The following ACSS2 variants were observed in gnomAD, a reference collection of about 807,000 sequenced individuals.
The protein encoded by ACSS2 is acyl-CoA synthetase short chain family member 2.
In ACSS2, 58 loss-of-function variants were observed where a neutral mutation model predicts 90.6. That is an observed-to-expected ratio of 0.64 (90% confidence interval 0.52 to 0.80). ACSS2 has a LOEUF of 0.80. Among genes scored for constraint, ACSS2 ranks in the 30% least tolerant of loss-of-function variants. ACSS2 has a pLI of 0.00. For synonymous variants in ACSS2, 300 were observed against 330.9 expected (o/e 0.91, Z 1.01); for missense variants, 759 against 912.0 (o/e 0.83, Z 2.16).
chr20:34,925,564 G>A, intron 14 of ACSS2, 134 bp from the exon 15 acceptor site: 1 of 883,584 alleles, frequency 1.1e-6, no homozygotes, highest in Non-Finnish European at 1.7e-6. Flanking sequence ...TTGGAGGCTG[G>A]CTACTACAGT....
intron 2 of ACSS2, among the ~76,000 whole-genome samples, chr20:34,899,164 C>G (rs540710978): frequency 1.3e-5 from 2 of 152,292 alleles, no homozygotes; most frequent in South Asian, 2.1e-4. Flanking sequence ...TGCGCAGCCC[C>G]GGTTCCCGCT....
intron 2 of ACSS2, 30 bp downstream of exon 2, chr20:34,883,019 A>G: frequency 1.3e-6 from 2 of 1,537,266 alleles, no homozygotes; most frequent in Non-Finnish European, 1.8e-6. Flanking sequence ...ACTTGGTGGC[A>G]GATAAAAACA....
At chr20:34,913,937 CT>C in intron 5 of ACSS2, 112 bp downstream of exon 5, 1 of 1,369,092 alleles carries the variant, frequency 7.3e-7, no homozygotes, top group Non-Finnish European at 1.0e-6. Flanking sequence ...GACTGCCTGC[CT>C]TTTCTCTCCT....
intron 2 of ACSS2, among the ~76,000 whole-genome samples, chr20:34,909,369 A>G (rs1277893589): frequency 1.3e-5 from 2 of 152,132 alleles, no homozygotes; most frequent in African/African-American, 4.8e-5. Context: ...CCCTGTCTCA[A>G]AAACAACAAC....
At chr20:34,915,046 A>G (rs182235461) in intron 7 of ACSS2, among the ~76,000 whole-genome samples, 5 of 152,232 alleles carry the variant, frequency 3.3e-5, no homozygotes, top group Admixed American at 6.5e-5. Flanking sequence ...GGAAAGCCCA[A>G]TCAGTGTTAG....
intron 2 of ACSS2, among the ~76,000 whole-genome samples, chr20:34,884,671 C>G (rs901629812): frequency 2.0e-5 from 3 of 152,358 alleles, no homozygotes; most frequent in Non-Finnish European, 4.4e-5. Context: ...TGTTGAGACT[C>G]TCTTTAGCTT....
At chr20:34,920,385 G>C in intron 8 of ACSS2, 154 bp from the exon 9 acceptor site, 2 of 671,660 alleles carry the variant, frequency 3.0e-6, no homozygotes, top group East Asian at 5.4e-5. Flanking sequence ...GGAGCATGGA[G>C]AAAAGGAGAT....
intron 5 of ACSS2, 61 bp downstream of exon 5, chr20:34,913,886 C>A: frequency 2.6e-6 from 4 of 1,539,728 alleles, no homozygotes; most frequent in Non-Finnish European, 3.6e-6. Context: ...GGTCTCCAAT[C>A]AGCTCATTGG....
chr20:34,889,009 T>TTC (rs2146987646), intron 2 of ACSS2, among the ~76,000 whole-genome samples: 1 of 150,896 alleles, frequency 6.6e-6, no homozygotes, highest in East Asian at 1.9e-4. Flanking sequence ...AGACAATCTT[T>TTC]TTTTTTTTTT....
chr20:34,905,836 T>G (rs1413608720), intron 2 of ACSS2, among the ~76,000 whole-genome samples: 3 of 152,232 alleles, frequency 2.0e-5, no homozygotes, highest in Admixed American at 1.3e-4. Flanking sequence ...ATCATATATT[T>G]TCTTTCATGT....
At chr20:34,878,078 C>T (rs1413058430) in intron 1 of ACSS2, among the ~76,000 whole-genome samples, 1 of 152,114 alleles carries the variant, frequency 6.6e-6, no homozygotes, top group Non-Finnish European at 1.5e-5. Flanking sequence ...GGACTACAGG[C>T]GGACGCCATG....
chr20:34,876,625 C>G lies in ACSS2; in HGVS notation c.-21C>G, dbSNP rs750158537. On this transcript the variant is annotated 5_prime_UTR_variant, in exon 1 of 18. Coordinates refer to ENST00000360596, the MANE Select transcript of ACSS2 (RefSeq NM_018677.4). ...CCCGCCGCGACCGCAAAGGCGGCCG[C>G]GGTTCTAGGAACTTGACGTGATGGG... The G allele has an allele frequency of 3.0e-6, 4 of 1,311,942 alleles. No individual in the cohort carries two copies. The highest frequency in any genetic ancestry group is 3.9e-6 in the Non-Finnish European group (4 of 1,023,688). The allele number at this position is 1,311,942 out of a possible 1,614,324, so 81.3% of individuals were successfully genotyped here. A position where few individuals can be genotyped will look rare whatever the true frequency, so the allele number is the denominator to read the frequency against.
At chr20:34,889,669 A>G (rs2080287821) in intron 2 of ACSS2, among the ~76,000 whole-genome samples, 1 of 152,222 alleles carries the variant, frequency 6.6e-6, no homozygotes, top group Admixed American at 6.5e-5. Context: ...AGGGTAACCA[A>G]TTAGGAGGCT....
chr20:34,899,558 C>T (rs1306392137), intron 2 of ACSS2, among the ~76,000 whole-genome samples: 3 of 150,518 alleles, frequency 2.0e-5, no homozygotes, highest in East Asian at 2.0e-4. Context: ...GGCATGATCT[C>T]GGCTCACTGC....
At chr20:34,901,274 C>CT (rs547368020) in intron 2 of ACSS2, among the ~76,000 whole-genome samples, 3 of 152,144 alleles carry the variant, frequency 2.0e-5, no homozygotes, top group East Asian at 1.9e-4. Flanking sequence ...TCTTTTCTTT[C>CT]TTTTTTTGAC....
rs1398837636 is a variant in ACSS2 at position 34,919,520 on chromosome 20, C to T, written c.920C>T (p.Ala307Val). The T allele has an allele frequency of 1.9e-6, 3 of 1,611,502 alleles. No individual in the cohort carries two copies. Among genetic ancestry groups the T allele is most frequent in the Middle Eastern group, 2.1e-4 (1 of 4,794 alleles). ...GAGTGTGAGCCCGAGTGGTGTGATG[C>T]CGAGGACCCACTCTTCATCCTGTAC... ...GDECEPEWCD[A>V]EDPLFILYTS... The change falls in exon 8 of 18, where the codon GCC becomes GTC. Residue 307 changes from alanine to valine, a missense_variant. Transcript: ENST00000360596.
chr20:34,924,120 C>T (rs1386391688), intron 14 of ACSS2, among the ~76,000 whole-genome samples: 1 of 152,092 alleles, frequency 6.6e-6, no homozygotes, highest in African/African-American at 2.4e-5. Flanking sequence ...GGGCATGTGG[C>T]AGTGCATGAC....
intron 2 of ACSS2, among the ~76,000 whole-genome samples, chr20:34,899,428 TTCC>T (rs1568977281): frequency 0.013 from 520 of 39,846 alleles, 3 homozygotes; most frequent in Non-Finnish European, 0.02. Flanking sequence ...CTTTCTTTCC[TTCC>T]TTCCTTCCTT....
intron 7 of ACSS2, among the ~76,000 whole-genome samples, chr20:34,917,777 G>C (rs998867442): frequency 6.6e-6 from 1 of 151,982 alleles, no homozygotes; most frequent in Non-Finnish European, 1.5e-5. Flanking sequence ...TTTTGAGATG[G>C]AGTCTCACTC....
Sources: gnomAD v4.1 joint callset for allele counts (sites outside exome capture counted in the v4.1 genomes callset) on GRCh38, gnomAD v4.1.1 for gene constraint, MANE v1.5 for transcripts, NCBI Gene and HGNC (gene_info 2026-07-23, HGNC 2026-07-21) for gene names.